Variants in NLRC4 observed in about 807,000 individuals in gnomAD.
NLRC4 encodes the protein NLR family CARD domain containing 4.
NLRC4 carries 63 observed loss-of-function variants against 79.9 expected under a neutral mutation model. The observed-to-expected ratio is 0.79, with a 90% CI of 0.64 to 0.97. The LOEUF is 0.97. NLRC4 is among the 50% of genes least tolerant of loss of function. The pLI, the probability that NLRC4 is intolerant of heterozygous loss-of-function variation, is 0.00. For missense variants in NLRC4, 1,074 were observed against 1,215.2 expected, an observed-to-expected ratio of 0.88 and a Z score of 1.73; for synonymous variants, 461 against 456.5, an observed-to-expected ratio of 1.01 and a Z score of -0.12.
intron 1 of NLRC4, among the ~76,000 whole-genome samples, chr2:32,259,459 C>A (rs1687287738): frequency 6.6e-6 from 1 of 151,304 alleles, no homozygotes; most frequent in Non-Finnish European, 1.5e-5. Flanking sequence ...AAAATCCATC[C>A]CTCTATTCAT....
At chr2:32,257,002 A>C in intron 1 of NLRC4, 109 bp from the exon 2 acceptor site, 1 of 492,452 alleles carries the variant, frequency 2.0e-6, no homozygotes, top group Non-Finnish European at 3.6e-6. Flanking sequence ...CCCAAACCAG[A>C]AAAAAACTCG....
chr2:32,249,643 A>G lies in NLRC4; in HGVS notation c.2221T>C (p.Leu741=). 5.6e-6 allele frequency: 9 copies of G among 1,609,992 alleles called. No individual in the cohort carries two copies. Among genetic ancestry groups the G allele is most frequent in the Non-Finnish European group, 6.8e-6 (8 of 1,178,400 alleles). Residue 741 remains leucine, a synonymous_variant, in exon 4 of 9, where the codon TTG becomes CTG. Transcript: ENST00000402280. ...HITSVTNLKT[L]SIHDLQNQRL... is the part of the protein sequence containing the mutation. ...TGATTCTGTAGGTCATGAATACTCA[A>G]GGTTTTCAGGTTTGTTACAGATGTG...
Position 32,229,069 on chromosome 2 carries a change from T to C in NLRC4, c.2783-4304A>G, listed in dbSNP as rs959868774. 3.3e-5 allele frequency among the ~76,000 whole-genome samples: 5 copies of C among 152,020 alleles called. No homozygotes were observed. In the South Asian group the frequency reaches 8.3e-4, roughly 25 times the overall value. ...GCATGAGCTCTCTTTGAGAACAGGC[T>C]GGATAGCAGAGTTCAGCTTCAAACA... is the stretch of plus-strand genomic sequence containing the variant. On this transcript the variant is annotated intron_variant, in intron 8 of 8. Coordinates refer to ENST00000402280, the MANE Select transcript of NLRC4 (RefSeq NM_001199138.2).
rs1292669425 is a variant in NLRC4 at position 32,252,652 on chromosome 2, G to A, written c.29C>T (p.Ala10Val). The A allele has an allele frequency of 6.2e-7, 1 of 1,613,210 alleles. No homozygotes were observed. Among genetic ancestry groups the A allele is most frequent in the Non-Finnish European group, 8.5e-7 (1 of 1,179,144 alleles). The change falls in exon 3 of 9, where the codon GCC becomes GTC. Residue 10 changes from alanine to valine, a missense_variant. By Grantham distance (64) the Ala-to-Val change is moderately conservative (BLOSUM62 0). Transcript: ENST00000402280. MNFIKDNSR[A>V]LIQRMGMTVI... ...AGTCATTCCCATTCTTTGAATAAGG[G>A]CTCGGCTATTGTCCTTTATGAAATT...
rs754999568 is a variant in NLRC4, at chr2:32,250,483, A to T, written c.1381T>A (p.Ser461Thr). Residue 461 changes from serine (S) to threonine (T), a missense_variant, in exon 4 of 9, where the codon TCT becomes ACT. By Grantham distance (58) the Ser-to-Thr change is moderately conservative. Coordinates refer to ENST00000402280, the MANE Select transcript of NLRC4 (RefSeq NM_001199138.2). This position sits in a 1 kb window ranked among gnomAD's most constrained non-coding sequence, Gnocchi z 4.9. Reference sequence around the variant, plus strand: ...TTGGTCACCTCCTCTGGCTCATGAGACGTCAATAAACTGCTGAGTCTTCGT... The same window carrying T: ...TTGGTCACCTCCTCTGGCTCATGAGTCGTCAATAAACTGCTGAGTCTTCGT... The part of the protein sequence containing the change: ...AGRRLSSLLT[S>T]HEPEEVTKGN... 3 of 1,614,224 alleles carry T rather than the reference A, an allele frequency of 1.9e-6. No individual in the cohort carries two copies. Among genetic ancestry groups the T allele is most frequent in the Non-Finnish European group, 2.5e-6 (3 of 1,180,046 alleles).
intron 8 of NLRC4, among the ~76,000 whole-genome samples, chr2:32,231,914 C>A (rs1686547902): frequency 6.6e-6 from 1 of 152,146 alleles, no homozygotes; most frequent in African/African-American, 2.4e-5. Flanking sequence ...CAGGATAGGA[C>A]ATTACATTTC....
intron 4 of NLRC4, among the ~76,000 whole-genome samples, chr2:32,246,368 C>T (rs969118980): frequency 4.6e-5 from 7 of 152,136 alleles, no homozygotes; most frequent in Non-Finnish European, 1.0e-4. Flanking sequence ...ATACAGTCTT[C>T]GTGACACCCA....
intron 8 of NLRC4, among the ~76,000 whole-genome samples, chr2:32,226,467 T>A (rs1686401093): frequency 1.3e-5 from 2 of 152,268 alleles, no homozygotes; most frequent in Admixed American, 6.5e-5. Flanking sequence ...TGCTAGCGGC[T>A]AAAGTGGGCA....
chr2:32,227,466 A>G (rs1470041165), intron 8 of NLRC4, among the ~76,000 whole-genome samples: 1 of 151,918 alleles, frequency 6.6e-6, no homozygotes, highest in Admixed American at 6.6e-5. Context: ...CCTTCTCCAT[A>G]TGCTTCCCAG....
At chr2:32,227,102 A>G (rs1287009969) in intron 8 of NLRC4, among the ~76,000 whole-genome samples, 1 of 152,102 alleles carries the variant, frequency 6.6e-6, no homozygotes, top group East Asian at 1.9e-4. Context: ...ACTAGGTTGA[A>G]ATGATCACAG....
chr2:32,257,443 T>C (rs565578943), intron 1 of NLRC4, among the ~76,000 whole-genome samples: 45 of 151,910 alleles, frequency 3.0e-4, no homozygotes, highest in African/African-American at 5.3e-4. Flanking sequence ...CCTGTCTCTA[T>C]TAAAAATACA....
At chr2:32,253,004 C>T (rs1296900120) in intron 2 of NLRC4, among the ~76,000 whole-genome samples, 2 of 151,426 alleles carry the variant, frequency 1.3e-5, no homozygotes, top group East Asian at 2.0e-4. Context: ...GGCGAAAGAG[C>T]GAGACTCCGT....
Position 32,224,675 on chromosome 2 carries a change from A to G in NLRC4, c.2873T>C (p.Met958Thr). 6.2e-7 allele frequency: 1 copy of G among 1,613,134 alleles called. No individual in the cohort carries two copies. The highest frequency in any genetic ancestry group is 1.1e-5 in the South Asian group (1 of 91,034). Residue 958 changes from methionine to threonine, a missense_variant, in exon 9 of 9, where the codon ATG becomes ACG. Physicochemically the swap from Met to Thr is moderately conservative, Grantham distance 81. Transcript: ENST00000402280. ...TTGCTTAAGATTCTCAAATACACCC[A>G]TGAAGGCAAGCCATCCATCACTGCT... ...RVSSDGWLAFMGVFENLKQLV... is the reference protein window; with the variant it reads ...RVSSDGWLAFTGVFENLKQLV...
chr2:32,249,616 G>A lies in NLRC4; in HGVS notation c.2248C>T (p.Arg750Trp), dbSNP rs549398450. The A allele has an allele frequency of 1.1e-5, 18 of 1,583,282 alleles. No individual in the cohort carries two copies. The highest frequency in any genetic ancestry group is 8.1e-5 in the South Asian group (7 of 86,436). ...CTGATATTTACAATACCCGGCAGCC[G>A]TTGATTCTGTAGGTCATGAATACTC... Reference protein sequence around the residue: ...TLSIHDLQNQRLPGGLTDSLG... With the variant: ...TLSIHDLQNQWLPGGLTDSLG... Residue 750 changes from arginine to tryptophan, a missense_variant, in exon 4 of 9, where the codon CGG (arginine) becomes TGG (tryptophan). Coordinates refer to ENST00000402280, the MANE Select transcript of NLRC4 (RefSeq NM_001199138.2).
intron 8 of NLRC4, among the ~76,000 whole-genome samples, chr2:32,233,686 G>C (rs1686607244): frequency 1.3e-5 from 2 of 152,082 alleles, no homozygotes; most frequent in South Asian, 2.1e-4. Flanking sequence ...GATTTTTTAA[G>C]ACTTATTTTG....
intron 2 of NLRC4, among the ~76,000 whole-genome samples, chr2:32,254,792 A>G (rs1356830029): frequency 6.6e-6 from 1 of 151,336 alleles, no homozygotes; most frequent in Non-Finnish European, 1.5e-5. Flanking sequence ...CTAATTTTGT[A>G]TTTTTAGTAG....
chr2:32,231,793 C>T (rs898419180), intron 8 of NLRC4, among the ~76,000 whole-genome samples: 1 of 152,042 alleles, frequency 6.6e-6, no homozygotes, highest in Non-Finnish European at 1.5e-5. Context: ...CTCCTGGGCT[C>T]AAGCAATCTG....
At chr2:32,224,915 A>G (rs1686343083) in intron 8 of NLRC4, 150 bp from the exon 9 acceptor site, 1 of 549,926 alleles carries the variant, frequency 1.8e-6, no homozygotes, top group Non-Finnish European at 3.2e-6. Flanking sequence ...AATTATTAAT[A>G]TAATTCTCTA....
chr2:32,227,808 T>G (rs572982113), intron 8 of NLRC4, among the ~76,000 whole-genome samples: 5 of 152,252 alleles, frequency 3.3e-5, no homozygotes, highest in Non-Finnish European at 5.9e-5. Context: ...GTGCTTATGT[T>G]ATGAGGAGCA....
Sources: allele counts gnomAD v4.1 joint callset (sites outside exome capture counted in the v4.1 genomes callset), GRCh38; gene constraint gnomAD v4.1.1; non-coding constraint Gnocchi (gnomAD v3.1); transcripts MANE v1.5; gene names NCBI Gene and HGNC (gene_info 2026-07-23, HGNC 2026-07-21).